NFIC: variants seen among roughly 807,000 people sequenced by gnomAD.
The protein encoded by NFIC is nuclear factor 1 C-type.
A neutral mutation model predicts 54.4 loss-of-function variants in NFIC; 12 were observed. That is an observed-to-expected ratio of 0.22 (90% CI 0.14 to 0.36). NFIC has a LOEUF of 0.36. Ranked by LOEUF, NFIC falls within the 10% of genes least tolerant of loss-of-function variation. The pLI is 1.00. For missense variants in NFIC, 575 were observed against 718.2 expected, an observed-to-expected ratio of 0.80 and a Z score of 2.28; for synonymous variants, 322 against 319.2, an observed-to-expected ratio of 1.01 and a Z score of -0.09.
intron 6 of NFIC, among the ~76,000 whole-genome samples, 169 bp downstream of exon 6, chr19:3,435,376 G>C (rs2082184626): frequency 6.6e-6 from 1 of 152,230 alleles, no homozygotes; most frequent in African/African-American, 2.4e-5. Context: ...CTGGAAGTAC[G>C]GTCCGGGTTC....
At chr19:3,362,490 T>C (rs926023377), upstream of NFIC, among the ~76,000 whole-genome samples, 1 of 151,798 alleles carries the variant, frequency 6.6e-6, no homozygotes, top group Non-Finnish European at 1.5e-5. Flanking sequence ...GCTGTGATGA[T>C]ATATGGGTCT....
At chr19:3,386,409 A>C (rs934030301) in intron 2 of NFIC, among the ~76,000 whole-genome samples, 1 of 136,198 alleles carries the variant, frequency 7.3e-6, no homozygotes, top group African/African-American at 2.8e-5. Context: ...TGCAACCTCT[A>C]CTTCCTGGGT....
chr19:3,371,881 C>CTCCTTCCTTCCTTCCTTCCTTCTTTCCT, intron 1 of NFIC, among the ~76,000 whole-genome samples: 1 of 99,832 alleles, frequency 1.0e-5, no homozygotes, highest in Non-Finnish European at 2.1e-5. Flanking sequence ...TTCTTTCTCT[C>CTCCTTCCTTCCTTCCTTCCTTCTTTCCT]TCCTTCCTTC....
chr19:3,369,394 C>G lies in NFIC; in HGVS notation c.30+2728C>G, dbSNP rs1018737432. On this transcript the variant is annotated intron_variant, in intron 1 of 10. Transcript: ENST00000443272. This position sits in a 1 kb window ranked among gnomAD's most constrained non-coding sequence, Gnocchi z 4.3. ...TCCTTACTCCTCTCTCTCTGTCTCT[C>G]TCTGTCTCTGGGCCTCCCTCTCCCC... 2.0e-5 allele frequency among the ~76,000 whole-genome samples: 3 copies of G among 152,224 alleles called. No homozygotes were observed. The highest frequency in any genetic ancestry group is 7.2e-5 in the African/African-American group (3 of 41,458).
intron 2 of NFIC, among the ~76,000 whole-genome samples, chr19:3,416,886 C>CT (rs371348767): frequency 4.2e-4 from 56 of 131,982 alleles, no homozygotes; most frequent in East Asian, 2.6e-3. Flanking sequence ...AATCCCAGTG[C>CT]TTTTTTTTTT....
At chr19:3,434,045 G>A (rs773959534) in intron 4 of NFIC, among the ~76,000 whole-genome samples, 1 of 152,178 alleles carries the variant, frequency 6.6e-6, no homozygotes, top group Non-Finnish European at 1.5e-5. Context: ...AGCAGAGCCT[G>A]GCCTCCAGCT....
intron 1 of NFIC, chr19:3,371,733 T>G (rs1432752529): frequency 6.6e-6 from 1 of 152,050 alleles, no homozygotes; most frequent in Admixed American, 6.6e-5. Context: ...CCAGTTTCCC[T>G]CCCTTCCCTC....
At chr19:3,430,223 CTA>C (rs2082099537) in intron 3 of NFIC, among the ~76,000 whole-genome samples, 1 of 151,710 alleles carries the variant, frequency 6.6e-6, no homozygotes, top group Non-Finnish European at 1.5e-5. Context: ...ACATTCACCT[CTA>C]TCTAATTCCA....
intron 2 of NFIC, among the ~76,000 whole-genome samples, chr19:3,412,211 T>G (rs901539991): frequency 6.6e-6 from 1 of 151,758 alleles, no homozygotes; most frequent in Non-Finnish European, 1.5e-5. Flanking sequence ...GCCCCCAGAG[T>G]AGCTGGGACT....
intron 2 of NFIC, among the ~76,000 whole-genome samples, chr19:3,406,836 A>ACT (rs2081657350): frequency 1.3e-5 from 2 of 152,260 alleles, no homozygotes; most frequent in African/African-American, 4.8e-5. Context: ...CCACATTTGA[A>ACT]CAGAAGCCTG....
intron 10 of NFIC, among the ~76,000 whole-genome samples, chr19:3,457,269 G>A (rs1157130686): frequency 6.6e-6 from 1 of 152,186 alleles, no homozygotes; most frequent in Non-Finnish European, 1.5e-5. Flanking sequence ...ATGTTCAGAC[G>A]GCTGCAGCTG....
Position 3,463,507 on chromosome 19 carries a change from G to T in NFIC, c.*738G>T. ...TCGAGGGGGCCCTGCCTGCCGCGGG[G>T]CCTCCCCACAAGCCCCTCCCAAAGC... On this transcript the variant is annotated 3_prime_UTR_variant, in exon 11 of 11. Coordinates refer to ENST00000443272, the MANE Select transcript of NFIC (RefSeq NM_001245002.2). The T allele has an allele frequency of 1.0e-6, 1 of 984,186 alleles. No homozygotes were observed. Among genetic ancestry groups the T allele is most frequent in the Non-Finnish European group, 1.2e-6 (1 of 829,644 alleles). 61.0% of individuals were successfully genotyped at this position (984,186 alleles called of 1,614,324 possible).
At position 3,452,919 on chromosome 19, in the gene NFIC, G is replaced by A. The variant is rs958551874; in HGVS notation, c.1269+253G>A. On this transcript the variant is annotated intron_variant, in intron 8 of 10. Transcript: ENST00000443272. This position sits in a 1 kb window ranked among gnomAD's most constrained non-coding sequence, Gnocchi z 5.3. ...AGCACCCGTAGGTCCCAGCAACTGCGTGAGTCGTACTCATGTTAACACAAG... is the reference window on the plus strand; with the variant it reads ...AGCACCCGTAGGTCCCAGCAACTGCATGAGTCGTACTCATGTTAACACAAG... Among the ~76,000 whole-genome samples, 6 of 152,238 alleles carry A rather than the reference G, an allele frequency of 3.9e-5. No homozygotes were observed. Among genetic ancestry groups the A allele is most frequent in the African/African-American group, 1.4e-4 (6 of 41,460 alleles).
chr19:3,371,356 G>A lies in NFIC; in HGVS notation c.30+4690G>A, dbSNP rs12460066. ...TTTTTTTTTTTTGAGGTAGAGTCTC[G>A]CTCTGTCGCCCAGGCTGGAGTGCAG... is the stretch of plus-strand genomic sequence containing the variant. On this transcript the variant is annotated intron_variant, in intron 1 of 10. Coordinates refer to ENST00000443272, the MANE Select transcript of NFIC (RefSeq NM_001245002.2). 4.7e-3 allele frequency: 654 copies of A among 138,726 alleles called. 6 individuals are homozygous for A. Among genetic ancestry groups the A allele is most frequent in the South Asian group, 6.4e-3 (28 of 4,372 alleles). The allele number at this position is 138,726 out of a possible 1,614,324, so 8.6% of individuals were successfully genotyped here.
In NFIC at chr19:3,366,646, T is replaced by C; in HGVS notation, c.10T>C (p.Ser4Pro). The change falls in exon 1 of 11, where the codon TCC becomes CCC. Residue 4 changes from serine (S) to proline (P), a missense_variant. By Grantham distance (74) the Ser-to-Pro change is moderately conservative. Coordinates refer to ENST00000443272, the MANE Select transcript of NFIC (RefSeq NM_001245002.2). MYS[S>P]PLCLTQDEFH... ...TCCCGCCGCGCCCGGGATGTATTCG[T>C]CCCCGCTCTGCCTCACCCAGGTACG... The C allele has an allele frequency of 6.7e-7, 1 of 1,491,800 alleles. No individual in the cohort carries two copies. The highest frequency in any genetic ancestry group is 1.5e-5 in the African/African-American group (1 of 67,584). The allele number at this position is 1,491,800 out of a possible 1,614,324, so 92.4% of individuals were successfully genotyped here.
intron 2 of NFIC, among the ~76,000 whole-genome samples, chr19:3,423,697 C>G (rs990869392): frequency 6.6e-6 from 1 of 151,904 alleles, no homozygotes; most frequent in African/African-American, 2.4e-5. Context: ...GCCAAGGAAC[C>G]TAATTATTTT....
At chr19:3,402,652 G>A (rs2081576375) in intron 2 of NFIC, among the ~76,000 whole-genome samples, 1 of 152,204 alleles carries the variant, frequency 6.6e-6, no homozygotes, top group South Asian at 2.1e-4. Context: ...GAAAACAGAA[G>A]GCTGAGATTG....
At chr19:3,429,027 G>A (rs1411860771) in intron 3 of NFIC, among the ~76,000 whole-genome samples, 1 of 151,808 alleles carries the variant, frequency 6.6e-6, no homozygotes, top group African/African-American at 2.4e-5. Flanking sequence ...GCTCACGCCT[G>A]CAATCCCAGC....
rs138225094 is a variant in NFIC at position 3,433,567 on chromosome 19, C to G, written c.684C>G (p.Val228=). 1.2e-6 allele frequency: 2 copies of G among 1,613,928 alleles called. No homozygotes were observed. Among genetic ancestry groups the G allele is most frequent in the Non-Finnish European group, 1.7e-6 (2 of 1,179,928 alleles). ...TTGTCACCTCCGGCGTGTTCAGCGT[C>G]ACTGAGCTCATCCAAGTGTCCCGGA... ...ESFVTSGVFS[V]TELIQVSRTP... The change falls in exon 4 of 11, where the codon GTC becomes GTG. Residue 228 remains valine (V), a synonymous_variant. Coordinates refer to ENST00000443272, the MANE Select transcript of NFIC (RefSeq NM_001245002.2).
Sources: gnomAD v4.1 joint callset for allele counts (sites outside exome capture counted in the v4.1 genomes callset) on GRCh38, gnomAD v4.1.1 for gene constraint, Gnocchi (gnomAD v3.1) non-coding constraint, MANE v1.5 for transcripts, NCBI Gene and HGNC (gene_info 2026-07-23, HGNC 2026-07-21) for gene names.